SV2B: variants seen among roughly 807,000 people sequenced by gnomAD.
The protein encoded by SV2B is synaptic vesicle glycoprotein 2B, also known as solute carrier family 22 member B2.
Under a neutral mutation model 73.9 loss-of-function variants are expected in SV2B, and 41 were observed. The ratio of observed to expected loss-of-function variants is 0.56; its 90% confidence interval spans 0.43 to 0.72. SV2B has a LOEUF of 0.72. Ranked by LOEUF, SV2B falls within the 30% of genes least tolerant of loss-of-function variation. SV2B has a pLI of 0.00. For missense variants in SV2B, 764 were observed against 857.8 expected (o/e 0.89, Z 1.37); for synonymous variants, 314 against 314.2 (o/e 1.00, Z 0.01).
rs893347636 is a variant in SV2B, at chr15:91,267,228, C to G, written c.1120-327C>G. 1.3e-5 allele frequency among the ~76,000 whole-genome samples: 2 copies of G among 152,188 alleles called. No individual in the cohort carries two copies. Among genetic ancestry groups the G allele is most frequent in the African/African-American group, 4.8e-5 (2 of 41,444 alleles). On this transcript the variant is annotated intron_variant, in intron 7 of 12. Coordinates refer to ENST00000394232, the MANE Select transcript of SV2B (RefSeq NM_001323032.3). This position sits in a 1 kb window ranked among gnomAD's most constrained non-coding sequence, Gnocchi z 4.3. ...GTAAATGTTTGCAATATCCCCCTTG[C>G]CCACAGGCAGGGAGTAGAACTCAGC...
intron 9 of SV2B, among the ~76,000 whole-genome samples, chr15:91,273,248 GT>G (rs2048376289): frequency 5.9e-5 from 9 of 152,202 alleles, no homozygotes; most frequent in African/African-American, 2.2e-4. Context: ...ATCCCAGAAA[GT>G]TGCCAAGGCT....
intron 1 of SV2B, among the ~76,000 whole-genome samples, chr15:91,188,283 TTTTATTTATTTATTTATTTATTTA>T (rs200076814): frequency 1.4e-5 from 2 of 144,098 alleles, no homozygotes; most frequent in East Asian, 2.0e-4. Flanking sequence ...TGTTCCTTAT[TTTTATTTATTTATTTATTTATTTA>T]TTTATTTATT....
At chr15:91,243,256 C>G (rs943349714) in intron 2 of SV2B, among the ~76,000 whole-genome samples, 1 of 152,152 alleles carries the variant, frequency 6.6e-6, no homozygotes, top group Non-Finnish European at 1.5e-5. Context: ...TCAGAGGTGT[C>G]ATACCTCCAC....
intron 1 of SV2B, among the ~76,000 whole-genome samples, chr15:91,198,161 A>C (rs947760272): frequency 6.6e-6 from 1 of 152,182 alleles, no homozygotes; most frequent in African/African-American, 2.4e-5. Context: ...CCGGTGCTTC[A>C]ATTTTTATCT....
At position 91,185,491 on chromosome 15, in the gene SV2B, CTTG is replaced by C. The variant is rs766755986; in HGVS notation, c.-391-40377_-391-40375del. On this transcript the variant is annotated intron_variant, in intron 1 of 12. Transcript: ENST00000394232. ...TCACATTGATGAGAAGGGTCCTGGTCTTGTTGTCCAGAACTCATAGCTATATTA... is the reference window on the plus strand; with the variant it reads ...TCACATTGATGAGAAGGGTCCTGGTCTTGTCCAGAACTCATAGCTATATTA... Among the ~76,000 whole-genome samples the C allele has an allele frequency of 8.5e-5, 13 of 152,226 alleles. No homozygotes were observed. In the East Asian group the frequency reaches 1.7e-3, roughly 20 times the overall value.
intron 1 of SV2B, chr15:91,101,751 C>G (rs11854736): frequency 0.51 from 77,595 of 151,974 alleles, 20,556 homozygotes; most frequent in African/African-American, 0.56. Context: ...ATCACTGCCA[C>G]TGGGTGGGCA....
Position 91,117,870 on chromosome 15 carries a change from T to C in SV2B, c.-392+17507T>C, listed in dbSNP as rs2042224468. The stretch of plus-strand genomic sequence containing the variant: ...TTGATCTACCAAAGCAAGTTCCCTA[T>C]GTAACAAGATGTTGAGTGGGACTTT... On this transcript the variant is annotated intron_variant, in intron 1 of 12. Coordinates refer to ENST00000394232, the MANE Select transcript of SV2B (RefSeq NM_001323032.3). Among the ~76,000 whole-genome samples, 4 of 152,226 alleles carry C rather than the reference T, an allele frequency of 2.6e-5. No individual in the cohort carries two copies. The South Asian group carries it at 8.3e-4, about 32-fold the overall frequency.
At chr15:91,198,639 G>C (rs2045346949) in intron 1 of SV2B, among the ~76,000 whole-genome samples, 1 of 152,244 alleles carries the variant, frequency 6.6e-6, no homozygotes, top group African/African-American at 2.4e-5. Flanking sequence ...AAGGGTTTCT[G>C]CTTTGGATAA....
intron 1 of SV2B, among the ~76,000 whole-genome samples, chr15:91,192,072 A>G (rs1040850734): frequency 6.6e-6 from 1 of 152,100 alleles, no homozygotes; most frequent in Non-Finnish European, 1.5e-5. Flanking sequence ...CCTGCCCACT[A>G]TCATATTAGT....
chr15:91,109,252 A>G (rs1236730331), intron 1 of SV2B, among the ~76,000 whole-genome samples: 1 of 152,240 alleles, frequency 6.6e-6, no homozygotes, highest in Admixed American at 6.5e-5. Flanking sequence ...TAATTCTTCC[A>G]GACCGCTGGG....
intron 1 of SV2B, among the ~76,000 whole-genome samples, chr15:91,126,803 A>G (rs537192797): frequency 6.6e-6 from 1 of 152,336 alleles, no homozygotes; most frequent in East Asian, 1.9e-4. Context: ...AAAACCCAAC[A>G]CCTTTTCATA....
intron 1 of SV2B, among the ~76,000 whole-genome samples, chr15:91,222,070 C>T (rs542703153): frequency 1.3e-5 from 2 of 152,158 alleles, no homozygotes; most frequent in Non-Finnish European, 2.9e-5. Context: ...GCCTGCAGTG[C>T]CTTCCTCTCC....
chr15:91,116,441 A>G (rs1042231797), intron 1 of SV2B, among the ~76,000 whole-genome samples: 7 of 152,190 alleles, frequency 4.6e-5, no homozygotes, highest in Non-Finnish European at 1.0e-4. Flanking sequence ...AGAGCCCCAG[A>G]TATTTGCTTA....
At chr15:91,185,848 T>C (rs1028067429) in intron 1 of SV2B, among the ~76,000 whole-genome samples, 1 of 152,206 alleles carries the variant, frequency 6.6e-6, no homozygotes, top group African/African-American at 2.4e-5. Flanking sequence ...CATGTTGTTG[T>C]GGACTAACTC....
At chr15:91,145,172 T>C (rs1381404302) in intron 1 of SV2B, among the ~76,000 whole-genome samples, 1 of 152,134 alleles carries the variant, frequency 6.6e-6, no homozygotes, top group East Asian at 1.9e-4. Context: ...CAGTGTGTGC[T>C]TTCCCCCTCA....
chr15:91,230,627 T>C (rs2046540133), intron 2 of SV2B, among the ~76,000 whole-genome samples: 1 of 152,266 alleles, frequency 6.6e-6, no homozygotes, highest in Non-Finnish European at 1.5e-5. Context: ...CCCTGCTTAG[T>C]GTCCAGGAGT....
intron 1 of SV2B, among the ~76,000 whole-genome samples, chr15:91,192,095 T>C (rs184979163): frequency 9.8e-5 from 15 of 152,312 alleles, no homozygotes; most frequent in Admixed American, 9.8e-4. Context: ...TGATCTTTAG[T>C]TCTAGGATTT....
At position 91,284,003 on chromosome 15, in the gene SV2B, G is replaced by A. The variant is rs372805817; in HGVS notation, c.1508-18G>A. On this transcript the variant is annotated intron_variant, in intron 10 of 12. Transcript: ENST00000394232. The surrounding 1 kb of genome is among the most constrained non-coding windows in gnomAD (Gnocchi z 4.5). The stretch of plus-strand genomic sequence containing the variant: ...TCCCTTCCACTTACATGAACCGAAG[G>A]TTTCCTTCTCTCCCCAGACCTCTAC... The A allele has an allele frequency of 2.2e-4, 354 of 1,613,734 alleles. No homozygotes were observed. Among genetic ancestry groups the A allele is most frequent in the Non-Finnish European group, 2.9e-4 (344 of 1,179,836 alleles).
intron 2 of SV2B, among the ~76,000 whole-genome samples, chr15:91,233,765 C>T (rs1223657278): frequency 6.6e-6 from 1 of 152,118 alleles, no homozygotes; most frequent in East Asian, 1.9e-4. Context: ...AGTTGCCTTG[C>T]AAGACTTGCT....
Sources: gnomAD v4.1 joint callset for allele counts (sites outside exome capture counted in the v4.1 genomes callset) on GRCh38, gnomAD v4.1.1 for gene constraint, Gnocchi (gnomAD v3.1) non-coding constraint, MANE v1.5 for transcripts, NCBI Gene and HGNC (gene_info 2026-07-23, HGNC 2026-07-21) for gene names.